DLC1: variants seen among roughly 807,000 people sequenced by gnomAD.
The protein encoded by DLC1 is rho GTPase-activating protein 7.
DLC1 carries 54 observed loss-of-function variants against 140.3 expected under a neutral mutation model. That is an observed-to-expected ratio of 0.38 (90% CI 0.31 to 0.48). The LOEUF (loss-of-function observed/expected upper bound fraction) is 0.48. Among genes scored for constraint, DLC1 ranks in the 20% least tolerant of loss-of-function variants. The pLI is 0.96. For missense variants in DLC1, 2,536 were observed against 1,907.0 expected, an observed-to-expected ratio of 1.33 and a Z score of -6.14; for synonymous variants, 986 against 728.1, an observed-to-expected ratio of 1.35 and a Z score of -5.70.
intron 2 of DLC1, among the ~76,000 whole-genome samples, chr8:13,412,931 C>CAAAAAAAAAAAAAA: frequency 1.1e-5 from 1 of 94,008 alleles, no homozygotes; most frequent in Non-Finnish European, 1.9e-5. Flanking sequence ...GACTCCATCT[C>CAAAAAAAAAAAAAA]AAAAAAAAAA....
chr8:13,410,644 G>T (rs1454869765), intron 2 of DLC1, among the ~76,000 whole-genome samples: 1 of 140,544 alleles, frequency 7.1e-6, no homozygotes, highest in Non-Finnish European at 1.6e-5. Flanking sequence ...AAATGAGCAA[G>T]ACCATTATAA....
intron 5 of DLC1, among the ~76,000 whole-genome samples, chr8:13,120,166 A>G (rs1398389981): frequency 6.6e-6 from 1 of 150,652 alleles, no homozygotes; most frequent in Non-Finnish European, 1.5e-5. Flanking sequence ...AACACGGTGA[A>G]ACCCCGTCCC....
chr8:13,098,573 T>A lies in DLC1; in HGVS notation c.2993A>T (p.His998Leu). 2 of 1,613,334 alleles carry A rather than the reference T, an allele frequency of 1.2e-6. No homozygotes were observed. Among genetic ancestry groups the A allele is most frequent in the Non-Finnish European group, 1.7e-6 (2 of 1,179,642 alleles). ...VGASLTRSNR[H>L]RLRWHSFQSS... is the part of the protein sequence containing the mutation. ...CTGGAAACTGTGCCATCTCAGTCGG[T>A]GCCTGCGAGAGAAGAGGAGAGGAAA... The change falls in exon 10 of 18, where the codon CAC becomes CTC. Residue 998 changes from histidine to leucine, a missense_variant and splice_region_variant. His to Leu is a moderately conservative substitution (Grantham distance 99). Coordinates refer to ENST00000276297, the MANE Select transcript of DLC1 (RefSeq NM_182643.3).
intron 2 of DLC1, among the ~76,000 whole-genome samples, chr8:13,455,416 T>A (rs140663788): frequency 4.1e-4 from 63 of 152,270 alleles, no homozygotes; most frequent in African/African-American, 1.2e-3. Context: ...CTAATGTCGC[T>A]GCAGCTGGCT....
At chr8:13,124,850 G>A (rs1437011650) in intron 5 of DLC1, among the ~76,000 whole-genome samples, 2 of 152,174 alleles carry the variant, frequency 1.3e-5, no homozygotes, top group African/African-American at 4.8e-5. Flanking sequence ...CAATTACATG[G>A]AAACATTCTT....
chr8:13,264,200 A>G (rs1830591858), intron 5 of DLC1, among the ~76,000 whole-genome samples: 1 of 151,660 alleles, frequency 6.6e-6, no homozygotes, highest in African/African-American at 2.4e-5. Flanking sequence ...TCCCGAGTAG[A>G]TGGGATTACA....
At chr8:13,113,940 A>C (rs1425987734) in intron 6 of DLC1, among the ~76,000 whole-genome samples, 2 of 152,256 alleles carry the variant, frequency 1.3e-5, no homozygotes, top group Non-Finnish European at 2.9e-5. Flanking sequence ...GGGTATTCTA[A>C]CTTGGGAATC....
At chr8:13,164,296 CA>C (rs34355120) in intron 5 of DLC1, among the ~76,000 whole-genome samples, 34 of 147,804 alleles carry the variant, frequency 2.3e-4, no homozygotes, top group African/African-American at 2.5e-4. Context: ...AGACTTCTCT[CA>C]AAAAAAAAAA....
At chr8:13,205,686 C>A (rs576894261) in intron 5 of DLC1, among the ~76,000 whole-genome samples, 1 of 152,130 alleles carries the variant, frequency 6.6e-6, no homozygotes, top group Non-Finnish European at 1.5e-5. Context: ...GCATTCAAAG[C>A]TGTCTTGGGA....
intron 2 of DLC1, among the ~76,000 whole-genome samples, chr8:13,410,318 A>G (rs750489729): frequency 6.6e-6 from 1 of 152,194 alleles, no homozygotes; most frequent in Non-Finnish European, 1.5e-5. Flanking sequence ...TAAAACTAGG[A>G]AAAAGTAAGA....
At chr8:13,599,537 A>G (rs1031973) in intron 1 of DLC1, among the ~76,000 whole-genome samples, 3,638 of 152,100 alleles carry the variant, frequency 0.024, 206 homozygotes, top group East Asian at 0.12. Flanking sequence ...CCAAATCCCA[A>G]TGAAGAAGGC....
At chr8:13,602,441 A>G (rs1805919561) in intron 1 of DLC1, among the ~76,000 whole-genome samples, 2 of 151,844 alleles carry the variant, frequency 1.3e-5, no homozygotes, top group Admixed American at 1.3e-4. Context: ...CCAGTAATTT[A>G]AAGAAGAGAG....
intron 5 of DLC1, among the ~76,000 whole-genome samples, chr8:13,244,382 C>T (rs1049889003): frequency 6.6e-6 from 1 of 151,184 alleles, no homozygotes; most frequent in African/African-American, 2.4e-5. Flanking sequence ...ACTGCAGCCT[C>T]GAACTCTGGG....
chr8:13,604,463 T>C (rs1199992906), intron 1 of DLC1: 7 of 152,174 alleles, frequency 4.6e-5, no homozygotes, highest in Non-Finnish European at 8.8e-5. Context: ...ACATGCAAAC[T>C]ACTAACATAA....
At chr8:13,479,235 A>G (rs142210703) in intron 2 of DLC1, among the ~76,000 whole-genome samples, 1 of 152,350 alleles carries the variant, frequency 6.6e-6, no homozygotes, top group African/African-American at 2.4e-5. Context: ...GGAAAATAAG[A>G]AAGTTAAAAA....
chr8:13,260,089 G>A (rs1476560473), intron 5 of DLC1, among the ~76,000 whole-genome samples: 2 of 152,182 alleles, frequency 1.3e-5, no homozygotes, highest in African/African-American at 2.4e-5. Flanking sequence ...GTGCTTTAGC[G>A]GAACAGCAAG....
At chr8:13,591,386 C>G (rs552400994) in intron 1 of DLC1, among the ~76,000 whole-genome samples, 1 of 152,028 alleles carries the variant, frequency 6.6e-6, no homozygotes. Flanking sequence ...TGAGTTATCA[C>G]GAGATCTGAT....
chr8:13,567,323 T>G, intron 1 of DLC1: 5 of 1,551,620 alleles, frequency 3.2e-6, no homozygotes, highest in Non-Finnish European at 4.4e-6. Flanking sequence ...CCAACAGAAA[T>G]CACTCGGGTA....
chr8:13,141,986 G>T (rs1174625080), intron 5 of DLC1, among the ~76,000 whole-genome samples: 1 of 152,194 alleles, frequency 6.6e-6, no homozygotes, highest in Non-Finnish European at 1.5e-5. Context: ...ACTGGGAAAT[G>T]ATTGGATTAC....
Sources: allele counts gnomAD v4.1 joint callset (sites outside exome capture counted in the v4.1 genomes callset), GRCh38; gene constraint gnomAD v4.1.1; transcripts MANE v1.5; gene names NCBI Gene and HGNC (gene_info 2026-07-23, HGNC 2026-07-21).